ZMAT4: variants seen among roughly 807,000 people sequenced by gnomAD.
The protein encoded by ZMAT4 is zinc finger matrin-type protein 4.
Under a neutral mutation model 28.7 loss-of-function variants are expected in ZMAT4, and 17 were observed. That is an observed-to-expected ratio of 0.59 (90% CI 0.41 to 0.89). The LOEUF is 0.89. ZMAT4 is among the 40% of genes least tolerant of loss of function. The pLI is 0.00. For synonymous variants in ZMAT4, 117 were observed against 109.2 expected (o/e 1.07, Z -0.44); for missense variants, 240 against 283.8 (o/e 0.85, Z 1.11).
chr8:40,720,175 C>T (rs1046180991), intron 3 of ZMAT4, among the ~76,000 whole-genome samples: 38 of 152,286 alleles, frequency 2.5e-4, no homozygotes, highest in African/African-American at 9.1e-4. Context: ...AAAACATCAA[C>T]ATGGTCATGA....
At chr8:40,611,923 C>T (rs1303713842) in intron 5 of ZMAT4, among the ~76,000 whole-genome samples, 1 of 152,148 alleles carries the variant, frequency 6.6e-6, no homozygotes. Context: ...CTGGAAACTA[C>T]AGAACTCATT....
intron 3 of ZMAT4, among the ~76,000 whole-genome samples, chr8:40,721,665 G>T (rs1189803970): frequency 6.6e-6 from 1 of 151,230 alleles, no homozygotes; most frequent in South Asian, 2.1e-4. Flanking sequence ...TTTAATGATC[G>T]CCATTCTAAC....
chr8:40,648,255 G>T (rs969206581), intron 5 of ZMAT4, among the ~76,000 whole-genome samples: 3 of 151,972 alleles, frequency 2.0e-5, no homozygotes, highest in Non-Finnish European at 2.9e-5. Flanking sequence ...GAAAACCAAG[G>T]CTCAAGAGCT....
chr8:40,885,225 C>T (rs754344021), intron 1 of ZMAT4, among the ~76,000 whole-genome samples: 4 of 152,196 alleles, frequency 2.6e-5, no homozygotes, highest in Non-Finnish European at 5.9e-5. Context: ...TTCTAATTTG[C>T]TCCTTCTACA....
At chr8:40,803,761 C>CA (rs766208498) in intron 2 of ZMAT4, among the ~76,000 whole-genome samples, 21 of 151,986 alleles carry the variant, frequency 1.4e-4, no homozygotes, top group South Asian at 1.0e-3. Flanking sequence ...CTTGTGCCCA[C>CA]AAAAAAAGCC....
At chr8:40,535,159 G>C (rs957420399) in intron 6 of ZMAT4, among the ~76,000 whole-genome samples, 1 of 152,134 alleles carries the variant, frequency 6.6e-6, no homozygotes, top group Non-Finnish European at 1.5e-5. Context: ...GTGATGTTCA[G>C]CCCCTATTGA....
At chr8:40,555,479 G>A (rs961941015) in intron 6 of ZMAT4, among the ~76,000 whole-genome samples, 8 of 152,146 alleles carry the variant, frequency 5.3e-5, no homozygotes, top group African/African-American at 9.7e-5. Flanking sequence ...AGCTGGCTCA[G>A]GCTAAGCACT....
At chr8:40,649,266 G>T (rs1043504587) in intron 5 of ZMAT4, among the ~76,000 whole-genome samples, 1 of 151,988 alleles carries the variant, frequency 6.6e-6, no homozygotes, top group Non-Finnish European at 1.5e-5. Context: ...AAAGGCAGGG[G>T]TTGCAATCCT....
intron 2 of ZMAT4, among the ~76,000 whole-genome samples, chr8:40,769,196 A>G (rs1813288859): frequency 6.6e-6 from 1 of 152,232 alleles, no homozygotes; most frequent in African/African-American, 2.4e-5. Flanking sequence ...ATATATTGTC[A>G]ACACTTATAG....
At chr8:40,678,514 A>G (rs975285924) in intron 4 of ZMAT4, among the ~76,000 whole-genome samples, 9 of 152,182 alleles carry the variant, frequency 5.9e-5, no homozygotes, top group African/African-American at 2.2e-4. Context: ...ACAAGATGCT[A>G]CTGAATCCCA....
chr8:40,631,570 G>A lies in ZMAT4; in HGVS notation c.577+43134C>T, dbSNP rs374014587. 1.6e-4 allele frequency among the ~76,000 whole-genome samples: 24 copies of A among 152,318 alleles called. No homozygotes were observed. In the East Asian group the frequency reaches 1.9e-3, roughly 12 times the overall value. On this transcript the variant is annotated intron_variant, in intron 5 of 6. Coordinates refer to ENST00000297737, the MANE Select transcript of ZMAT4 (RefSeq NM_024645.3). ...TAATGCGAGATATATGCAGTTCCCT[G>A]TTCTGGCCTGTTCCTGCCTATTGTT... is the stretch of plus-strand genomic sequence containing the variant.
At chr8:40,782,863 TG>T (rs1016761642) in intron 2 of ZMAT4, among the ~76,000 whole-genome samples, 5 of 152,200 alleles carry the variant, frequency 3.3e-5, no homozygotes, top group African/African-American at 1.2e-4. Flanking sequence ...AATAGGTCCT[TG>T]GAATATCACT....
chr8:40,782,834 C>G (rs1413943250), intron 2 of ZMAT4, among the ~76,000 whole-genome samples: 1 of 152,142 alleles, frequency 6.6e-6, no homozygotes, highest in Non-Finnish European at 1.5e-5. Flanking sequence ...AAATATTCAC[C>G]ATCATTGGTC....
intron 6 of ZMAT4, among the ~76,000 whole-genome samples, chr8:40,539,001 G>C (rs542398219): frequency 6.6e-6 from 1 of 152,048 alleles, no homozygotes; most frequent in African/African-American, 2.4e-5. Context: ...AGCCAGGCTG[G>C]TCTTGATCTC....
At chr8:40,678,916 G>A (rs1809023492) in intron 4 of ZMAT4, among the ~76,000 whole-genome samples, 1 of 152,188 alleles carries the variant, frequency 6.6e-6, no homozygotes, top group African/African-American at 2.4e-5. Flanking sequence ...GTCATGGACT[G>A]CTGTCCTATC....
intron 5 of ZMAT4, among the ~76,000 whole-genome samples, chr8:40,647,058 T>C (rs546970756): frequency 1.3e-4 from 20 of 151,340 alleles, no homozygotes; most frequent in Non-Finnish European, 8.9e-5. Context: ...AATTTGAGAG[T>C]CTGGGGGGAG....
intron 6 of ZMAT4, among the ~76,000 whole-genome samples, chr8:40,532,564 C>T (rs1056235550): frequency 6.6e-6 from 1 of 152,130 alleles, no homozygotes; most frequent in Non-Finnish European, 1.5e-5. Context: ...ATACACCCAT[C>T]TTTAAGTTTC....
intron 2 of ZMAT4, among the ~76,000 whole-genome samples, chr8:40,797,286 G>T (rs1465542487): frequency 6.6e-6 from 1 of 152,200 alleles, no homozygotes; most frequent in Non-Finnish European, 1.5e-5. Context: ...GGTGCACTTA[G>T]GGCCACTTGA....
chr8:40,750,641 T>C (rs1047744665), intron 3 of ZMAT4, among the ~76,000 whole-genome samples: 3 of 152,022 alleles, frequency 2.0e-5, no homozygotes, highest in Non-Finnish European at 2.9e-5. Context: ...AAGAAATCCA[T>C]CTATCAGGGG....
Sources: gnomAD v4.1 joint callset for allele counts (sites outside exome capture counted in the v4.1 genomes callset) on GRCh38, gnomAD v4.1.1 for gene constraint, MANE v1.5 for transcripts, NCBI Gene and HGNC (gene_info 2026-07-23, HGNC 2026-07-21) for gene names.